Variants in STAT4 observed in about 807,000 individuals in gnomAD.
STAT4 encodes signal transducer and activator of transcription 4.
A neutral mutation model predicts 110.5 loss-of-function variants in STAT4; 42 were observed. The ratio of observed to expected loss-of-function variants is 0.38; its 90% confidence interval spans 0.30 to 0.49. STAT4 has a LOEUF of 0.49. STAT4 is among the 20% of genes least tolerant of loss of function. The pLI is 0.95. For synonymous variants in STAT4, 284 were observed against 302.2 expected (o/e 0.94, Z 0.63); for missense variants, 632 against 887.9 (o/e 0.71, Z 3.66).
At chr2:191,069,834 T>C in intron 5 of STAT4, 63 bp from the exon 6 acceptor site, 1 of 1,347,306 alleles carries the variant, frequency 7.4e-7, no homozygotes, top group Non-Finnish European at 1.0e-6. Context: ...TCAAACAACA[T>C]CATAAGTATT....
At chr2:191,118,885 C>T (rs928964293) in intron 3 of STAT4, among the ~76,000 whole-genome samples, 3 of 152,094 alleles carry the variant, frequency 2.0e-5, no homozygotes, top group Non-Finnish European at 4.4e-5. Context: ...CAGCTTCTCA[C>T]GGAGCTGGAA....
In STAT4 at chr2:191,043,923, C is replaced by A. The variant is rs1369943958; in HGVS notation, c.1252-2775G>T. Among the ~76,000 whole-genome samples the A allele has an allele frequency of 2.1e-5, 3 of 145,734 alleles. No homozygotes were observed. Among genetic ancestry groups the A allele is most frequent in the Non-Finnish European group, 4.5e-5 (3 of 67,266 alleles). ...AATATAAAGTATATAGAAACATATT[C>A]ATTCATAGAAAAAGTATAAAGGCAT... On this transcript the variant is annotated intron_variant, in intron 14 of 23. Transcript: ENST00000392320. This position sits in a 1 kb window ranked among gnomAD's most constrained non-coding sequence, Gnocchi z 4.8.
chr2:191,109,189 C>T lies in STAT4; in HGVS notation c.274-32864G>A, dbSNP rs377740191. Among the ~76,000 whole-genome samples the T allele has an allele frequency of 5.3e-5, 8 of 151,924 alleles. No homozygotes were observed. The South Asian group carries it at 8.3e-4, about 16-fold the overall frequency. The stretch of plus-strand genomic sequence containing the variant: ...GGGGAATTATCTCCATTTCTACAAG[C>T]GAAAAACAGAGGCCAAAAGGAAATT... On this transcript the variant is annotated intron_variant, in intron 3 of 23. Coordinates refer to ENST00000392320, the MANE Select transcript of STAT4 (RefSeq NM_003151.4).
At chr2:191,088,708 G>T (rs1454783811) in intron 3 of STAT4, among the ~76,000 whole-genome samples, 2 of 152,152 alleles carry the variant, frequency 1.3e-5, no homozygotes. Flanking sequence ...AGACAGTGTG[G>T]TACAGGTAAA....
intron 3 of STAT4, among the ~76,000 whole-genome samples, chr2:191,126,239 G>T (rs1698875799): frequency 6.6e-6 from 1 of 151,982 alleles, no homozygotes; most frequent in South Asian, 2.1e-4. Context: ...GCCTATTTAA[G>T]GTAAAAAGTC....
chr2:191,141,022 G>A (rs556402016), intron 3 of STAT4, among the ~76,000 whole-genome samples: 1 of 152,164 alleles, frequency 6.6e-6, no homozygotes, highest in Non-Finnish European at 1.5e-5. Flanking sequence ...TCACAAGTGG[G>A]AGCTAAGCTA....
chr2:191,140,237 T>A lies in STAT4; in HGVS notation c.273+6376A>T, dbSNP rs1450701133. Among the ~76,000 whole-genome samples, 1 of 152,082 alleles carries A rather than the reference T, an allele frequency of 6.6e-6. No homozygotes were observed. The highest frequency in any genetic ancestry group is 1.5e-5 in the Non-Finnish European group (1 of 67,998). ...CAAGCAAATGCAACAAAAACAAAGA[T>A]AAATAGATGGGACCTAATTAACTAA... is the stretch of plus-strand genomic sequence containing the variant. On this transcript the variant is annotated intron_variant, in intron 3 of 23. Transcript: ENST00000392320. The surrounding 1 kb of genome is among the most constrained non-coding windows in gnomAD (Gnocchi z 4.4).
chr2:191,084,501 A>C (rs752978308), intron 3 of STAT4, among the ~76,000 whole-genome samples: 3 of 152,214 alleles, frequency 2.0e-5, no homozygotes, highest in Non-Finnish European at 4.4e-5. Flanking sequence ...AATACAAAGT[A>C]CATAAAAAAA....
chr2:191,105,298 C>T (rs1217441856), intron 3 of STAT4, among the ~76,000 whole-genome samples: 1 of 152,206 alleles, frequency 6.6e-6, no homozygotes, highest in African/African-American at 2.4e-5. Flanking sequence ...TGCCATTCCT[C>T]TACCCAAAAC....
intron 3 of STAT4, among the ~76,000 whole-genome samples, chr2:191,123,886 G>C (rs1048116383): frequency 6.6e-6 from 1 of 152,060 alleles, no homozygotes; most frequent in Non-Finnish European, 1.5e-5. Context: ...GTTCCTACTG[G>C]GTGTGTATTG....
chr2:191,055,365 ATTTTTTTTT>A (rs371295889), intron 13 of STAT4, among the ~76,000 whole-genome samples: 8 of 96,956 alleles, frequency 8.3e-5, no homozygotes, highest in African/African-American at 2.4e-4. Context: ...AGCCTGGCTA[ATTTTTTTTT>A]TTTTTTTTTT....
intron 3 of STAT4, among the ~76,000 whole-genome samples, chr2:191,122,637 T>A (rs1275926444): frequency 6.6e-6 from 1 of 152,250 alleles, no homozygotes; most frequent in Admixed American, 6.5e-5. Flanking sequence ...ATAAATAAAT[T>A]GTACTATAGT....
chr2:191,067,256 C>T (rs924687613), intron 6 of STAT4, among the ~76,000 whole-genome samples: 1 of 151,540 alleles, frequency 6.6e-6, no homozygotes, highest in Non-Finnish European at 1.5e-5. Flanking sequence ...AAAATGACAC[C>T]CCAAAATAAT....
chr2:191,069,380 G>GAAAAATCA (rs1356581314), intron 6 of STAT4, among the ~76,000 whole-genome samples: 1 of 152,070 alleles, frequency 6.6e-6, no homozygotes. Context: ...TTCTATAGGA[G>GAAAAATCA]AAGGTTTTTA....
In STAT4 at chr2:191,116,829, A is replaced by AT. The variant is rs1446667754; in HGVS notation, c.273+29783dup. On this transcript the variant is annotated intron_variant, in intron 3 of 23. Coordinates refer to ENST00000392320, the MANE Select transcript of STAT4 (RefSeq NM_003151.4). The surrounding 1 kb of genome is among the most constrained non-coding windows in gnomAD (Gnocchi z 4.1). ...TGAATGAATAAATGACTGAAAGTAA[A>AT]TTTACTCAAATGTCTCAGAAATGAC... Among the ~76,000 whole-genome samples the AT allele has an allele frequency of 6.6e-6, 1 of 152,222 alleles. No homozygotes were observed. Among genetic ancestry groups the AT allele is most frequent in the African/African-American group, 2.4e-5 (1 of 41,454 alleles).
intron 3 of STAT4, among the ~76,000 whole-genome samples, chr2:191,078,505 T>G (rs1394825465): frequency 6.6e-6 from 1 of 152,312 alleles, no homozygotes; most frequent in South Asian, 2.1e-4. Context: ...CTCACTTAAA[T>G]GTATGAACAA....
intron 3 of STAT4, chr2:191,131,494 AT>A (rs1043489059): frequency 1.0e-5 from 2 of 195,406 alleles, no homozygotes; most frequent in African/African-American, 4.7e-5. Flanking sequence ...TCACTCGTGG[AT>A]TTAGCAGCTT....
At chr2:191,068,064 C>T (rs1217349854) in intron 6 of STAT4, 1 of 152,162 alleles carries the variant, frequency 6.6e-6, no homozygotes, top group East Asian at 1.9e-4. Flanking sequence ...GCTAACCTTT[C>T]CCGTCTTCAC....
rs1266601736 is a variant in STAT4, at chr2:191,058,070, A to G, written c.1154T>C (p.Met385Thr). ...CCCATTGGAAGATTCTTCAATAGACATGGCTTTGACATTAGTTCCACAAAG... is the reference window on the plus strand; with the variant it reads ...CCCATTGGAAGATTCTTCAATAGACGTGGCTTTGACATTAGTTCCACAAAG... The part of the protein sequence containing the change: ...FVLCGTNVKA[M>T]SIEESSNGSL... Residue 385 changes from methionine (M) to threonine (T), a missense_variant, in exon 13 of 24, where the codon ATG becomes ACG. Coordinates refer to ENST00000392320, the MANE Select transcript of STAT4 (RefSeq NM_003151.4). The surrounding 1 kb of genome is among the most constrained non-coding windows in gnomAD (Gnocchi z 4.3). 3 of 1,614,130 alleles carry G rather than the reference A, an allele frequency of 1.9e-6. No individual in the cohort carries two copies. The highest frequency in any genetic ancestry group is 2.5e-6 in the Non-Finnish European group (3 of 1,180,016).
Sources: gnomAD v4.1 joint callset for allele counts (sites outside exome capture counted in the v4.1 genomes callset) on GRCh38, gnomAD v4.1.1 for gene constraint, Gnocchi (gnomAD v3.1) non-coding constraint, MANE v1.5 for transcripts, NCBI Gene and HGNC (gene_info 2026-07-23, HGNC 2026-07-21) for gene names.